Variants in CORO2A observed in about 807,000 individuals in gnomAD.
The protein encoded by CORO2A is coronin 2A, also known as coronin-2A.
Under a neutral mutation model 62.4 loss-of-function variants are expected in CORO2A, and 47 were observed. The observed-to-expected ratio is 0.75, with a 90% CI of 0.60 to 0.96. The LOEUF (loss-of-function observed/expected upper bound fraction) is 0.96, where lower values mean the gene tolerates loss of function less well. Among genes scored for constraint, CORO2A ranks in the 40% least tolerant of loss-of-function variants. CORO2A has a pLI of 0.00. For synonymous variants in CORO2A, 273 were observed against 268.9 expected (o/e 1.02, Z -0.15); for missense variants, 610 against 684.1 (o/e 0.89, Z 1.21).
chr9:98,134,458 G>C (rs564221027), intron 4 of CORO2A, among the ~76,000 whole-genome samples: 1 of 152,180 alleles, frequency 6.6e-6, no homozygotes, highest in South Asian at 2.1e-4. Flanking sequence ...TGGGGTCTTC[G>C]CTGCTGAAAT....
intron 1 of CORO2A, among the ~76,000 whole-genome samples, chr9:98,178,348 C>T (rs753412045): frequency 9.9e-5 from 15 of 152,234 alleles, no homozygotes; most frequent in South Asian, 4.1e-4. Context: ...CTCTTCCATT[C>T]CCTTGTCTTC....
intron 11 of CORO2A, among the ~76,000 whole-genome samples, chr9:98,125,635 T>G (rs1827304974): frequency 6.6e-6 from 1 of 151,782 alleles, no homozygotes; most frequent in Non-Finnish European, 1.5e-5. Flanking sequence ...CAGAAAGTCC[T>G]ATAATGTCAG....
Position 98,132,246 on chromosome 9 carries a change from T to C in CORO2A, c.704A>G (p.Lys235Arg). Residue 235 changes from lysine to arginine, a missense_variant, in exon 6 of 12, where the codon AAG becomes AGG. Coordinates refer to ENST00000375077, the MANE Select transcript of CORO2A (RefSeq NM_052820.4). ...GGATGTGCCTGTGGACATCAGCTTC[T>C]TCAGGTTCCCCAGAAACAGCACTTT... Reference protein sequence around the residue: ...ASKVLFLGNLKKLMSTGTSRW... With the variant: ...ASKVLFLGNLRKLMSTGTSRW... The C allele has an allele frequency of 6.2e-7, 1 of 1,614,218 alleles. No homozygotes were observed. Among genetic ancestry groups the C allele is most frequent in the Non-Finnish European group, 8.5e-7 (1 of 1,180,034 alleles).
intron 4 of CORO2A, among the ~76,000 whole-genome samples, chr9:98,134,416 C>G (rs1362988259): frequency 1.3e-5 from 2 of 152,218 alleles, no homozygotes; most frequent in Admixed American, 6.5e-5. Flanking sequence ...TCATGTCCAC[C>G]TGGAACCTCA....
intron 1 of CORO2A, among the ~76,000 whole-genome samples, chr9:98,180,696 C>T (rs1828165815): frequency 6.6e-6 from 1 of 152,158 alleles, no homozygotes; most frequent in Non-Finnish European, 1.5e-5. Flanking sequence ...CTCCTGACCG[C>T]ACCCTCCCCA....
At position 98,123,153 on chromosome 9, in the gene CORO2A, C is replaced by T. The variant is rs1827265849; in HGVS notation, c.*1621G>A. 1.3e-5 allele frequency: 2 copies of T among 152,190 alleles called. No homozygotes were observed. The highest frequency in any genetic ancestry group is 1.3e-4 in the Admixed American group (2 of 15,266). The allele number at this position is 152,190 out of a possible 1,614,324, so 9.4% of individuals were successfully genotyped here. A position where few individuals can be genotyped will look rare whatever the true frequency, so the allele number is the denominator to read the frequency against. ...CAAGAGGTCACTGAGTAAGCTGGGGCACAGCTGAGGCCAGAAGCAACAGAT... is the reference window on the plus strand; with the variant it reads ...CAAGAGGTCACTGAGTAAGCTGGGGTACAGCTGAGGCCAGAAGCAACAGAT... On this transcript the variant is annotated 3_prime_UTR_variant, in exon 12 of 12. Coordinates refer to ENST00000375077, the MANE Select transcript of CORO2A (RefSeq NM_052820.4).
At chr9:98,159,530 T>C (rs998616533) in intron 1 of CORO2A, among the ~76,000 whole-genome samples, 6 of 151,660 alleles carry the variant, frequency 4.0e-5, no homozygotes, top group African/African-American at 1.5e-4. Flanking sequence ...TCCAGCCCTC[T>C]GGCTCTTTGC....
chr9:98,191,809 A>G (rs892771213), intron 1 of CORO2A, among the ~76,000 whole-genome samples: 5 of 152,328 alleles, frequency 3.3e-5, no homozygotes, highest in Middle Eastern at 3.4e-3. Context: ...TTGTCACACC[A>G]GCTAGTGTGT....
intron 6 of CORO2A, among the ~76,000 whole-genome samples, chr9:98,131,819 A>G (rs992619986): frequency 2.0e-5 from 3 of 151,996 alleles, no homozygotes; most frequent in Non-Finnish European, 4.4e-5. Context: ...AGCTGTCCCA[A>G]TGAAAGCTCC....
At chr9:98,141,089 C>T (rs879434205) in intron 2 of CORO2A, among the ~76,000 whole-genome samples, 5 of 152,178 alleles carry the variant, frequency 3.3e-5, no homozygotes, top group Admixed American at 2.6e-4. Flanking sequence ...AAAAATTATA[C>T]ACACACCTAC....
intron 2 of CORO2A, among the ~76,000 whole-genome samples, chr9:98,144,628 G>A (rs1266576678): frequency 2.0e-5 from 3 of 152,212 alleles, no homozygotes; most frequent in Non-Finnish European, 4.4e-5. Context: ...AGACCTGGGG[G>A]ATGAACCAGA....
chr9:98,121,063 T>C lies in CORO2A; in HGVS notation c.*3711A>G, dbSNP rs1827236505. 2 of 152,240 alleles carry C rather than the reference T, an allele frequency of 1.3e-5. No homozygotes were observed. Among genetic ancestry groups the C allele is most frequent in the African/African-American group, 4.8e-5 (2 of 41,466 alleles). The allele number at this position is 152,240 out of a possible 1,614,324, so 9.4% of individuals were successfully genotyped here. ...TATTTATTTTCACTTTTATTTATTA[T>C]CATTATTTTTCACAAAGGTACAAGG... On this transcript the variant is annotated 3_prime_UTR_variant, in exon 12 of 12. Transcript: ENST00000375077.
At chr9:98,172,101 C>T (rs1828045045) in intron 1 of CORO2A, among the ~76,000 whole-genome samples, 1 of 152,134 alleles carries the variant, frequency 6.6e-6, no homozygotes, top group African/African-American at 2.4e-5. Flanking sequence ...CGTGCTTGGA[C>T]TCAGGAGGAA....
At chr9:98,132,095 T>G in intron 6 of CORO2A, 90 bp downstream of exon 6, 5 of 973,536 alleles carry the variant, frequency 5.1e-6, no homozygotes, top group South Asian at 1.3e-5. Flanking sequence ...GTGTGTGTCA[T>G]AAATGGGTGT....
At chr9:98,140,535 G>A (rs1827551605) in intron 2 of CORO2A, among the ~76,000 whole-genome samples, 1 of 151,882 alleles carries the variant, frequency 6.6e-6, no homozygotes, top group African/African-American at 2.4e-5. Context: ...CGAACTCGGG[G>A]TAAGACAATC....
At position 98,124,644 on chromosome 9, in the gene CORO2A, T is replaced by C; in HGVS notation, c.*130A>G. On this transcript the variant is annotated 3_prime_UTR_variant, in exon 12 of 12. Transcript: ENST00000375077. ...GTCCCACTGGAATCTCTTTCAGCGA[T>C]GGAGAGTTTTGTTTTCTGGTAAAAA... 1 of 924,414 alleles carries C rather than the reference T, an allele frequency of 1.1e-6. No individual in the cohort carries two copies. The highest frequency in any genetic ancestry group is 3.0e-5 in the East Asian group (1 of 33,264). 57.3% of individuals were successfully genotyped at this position (924,414 alleles called of 1,614,324 possible). A position where few individuals can be genotyped will look rare whatever the true frequency, so the allele number is the denominator to read the frequency against.
At chr9:98,126,519 G>A (rs1827320938) in intron 11 of CORO2A, 30 bp downstream of exon 11, 1 of 1,598,874 alleles carries the variant, frequency 6.3e-7, no homozygotes, top group Non-Finnish European at 8.5e-7. Context: ...GCTGCCCCAT[G>A]TGAAAGGCCC....
At chr9:98,135,860 C>A (rs547612213) in intron 3 of CORO2A, among the ~76,000 whole-genome samples, 3 of 152,140 alleles carry the variant, frequency 2.0e-5, no homozygotes, top group Admixed American at 2.0e-4. Context: ...CCAGATACTT[C>A]GGTCTGATGA....
At chr9:98,164,702 G>T (rs554799867) in intron 1 of CORO2A, among the ~76,000 whole-genome samples, 37 of 152,330 alleles carry the variant, frequency 2.4e-4, no homozygotes, top group Admixed American at 2.2e-3. Flanking sequence ...CAGCAACAAG[G>T]TCTGAAGTGA....
Sources: allele counts gnomAD v4.1 joint callset (sites outside exome capture counted in the v4.1 genomes callset), GRCh38; gene constraint gnomAD v4.1.1; transcripts MANE v1.5; gene names NCBI Gene and HGNC (gene_info 2026-07-23, HGNC 2026-07-21).